NEK10: variants seen among roughly 807,000 people sequenced by gnomAD.
NEK10 encodes the protein NIMA related kinase 10, also known as serine/threonine-protein kinase Nek10.
In NEK10, 122 loss-of-function variants were observed where a neutral mutation model predicts 159.8. The observed-to-expected ratio is 0.76, with a 90% CI of 0.66 to 0.89. The LOEUF (loss-of-function observed/expected upper bound fraction) is 0.89, where lower values mean the gene tolerates loss of function less well. NEK10 is among the 40% of genes least tolerant of loss of function. The pLI, the probability that NEK10 is intolerant of heterozygous loss-of-function variation, is 0.00. For missense variants in NEK10, 1,342 were observed against 1,323.1 expected, an observed-to-expected ratio of 1.01 and a Z score of -0.22; for synonymous variants, 466 against 457.1, an observed-to-expected ratio of 1.02 and a Z score of -0.25.
intron 22 of NEK10, among the ~76,000 whole-genome samples, chr3:27,282,570 G>GTT (rs376659323): frequency 6.2e-5 from 7 of 113,472 alleles, no homozygotes; most frequent in Non-Finnish European, 8.2e-5. Context: ...ACATAACTGT[G>GTT]TTATATATAT....
At chr3:27,214,097 T>C (rs556764976) in intron 23 of NEK10, among the ~76,000 whole-genome samples, 37 of 152,370 alleles carry the variant, frequency 2.4e-4, no homozygotes, top group Middle Eastern at 6.8e-3. Flanking sequence ...AGGTCTTAGA[T>C]AATATCAGTT....
intron 22 of NEK10, among the ~76,000 whole-genome samples, chr3:27,266,819 T>C (rs1190233826): frequency 1.3e-5 from 2 of 152,206 alleles, no homozygotes; most frequent in African/African-American, 2.4e-5. Context: ...TCTGACATGC[T>C]TCCTCTCTTT....
chr3:27,366,891 A>G (rs2049133085), intron 1 of NEK10, among the ~76,000 whole-genome samples: 1 of 145,482 alleles, frequency 6.9e-6, no homozygotes, highest in African/African-American at 2.6e-5. Context: ...GGCTCACTGC[A>G]ACCTCCGCCT....
chr3:27,256,172 T>G, intron 23 of NEK10, 124 bp downstream of exon 23: 1 of 466,894 alleles, frequency 2.1e-6, no homozygotes. Context: ...CCTAGATAAT[T>G]GAAAAAACTT....
chr3:27,156,929 G>GATATATAT lies in NEK10; in HGVS notation c.2869+5764_2869+5771dup, dbSNP rs4016654. On this transcript the variant is annotated intron_variant, in intron 30 of 35. Coordinates refer to ENST00000691995, the MANE Select transcript of NEK10 (RefSeq NM_001394966.1). ...CAATCAAGGAGTGCATAAAGAAACT[G>GATATATAT]ATATATATATATATATATATATATA... Among the ~76,000 whole-genome samples, 89 of 28,336 alleles carry GATATATAT rather than the reference G, an allele frequency of 3.1e-3. 6 individuals carry two copies. Among genetic ancestry groups the GATATATAT allele is most frequent in the Non-Finnish European group, 5.2e-3 (73 of 14,136 alleles). 18.6% of individuals were successfully genotyped at this position (28,336 alleles called of 152,430 possible).
intron 25 of NEK10, among the ~76,000 whole-genome samples, chr3:27,199,165 G>A (rs1412211866): frequency 6.6e-6 from 1 of 151,614 alleles, no homozygotes; most frequent in Non-Finnish European, 1.5e-5. Context: ...TATCAACAGA[G>A]TAAACAGACA....
At position 27,273,986 on chromosome 3, in the gene NEK10, G is replaced by T. The variant is rs575165969; in HGVS notation, c.2014+10616C>A. On this transcript the variant is annotated intron_variant, in intron 22 of 35. Transcript: ENST00000691995. ...GATTCTAATCTCTGCCCCTCAAACT[G>T]CTTCCTGACCTTCAGCTAAATGAAG... 3.7e-4 allele frequency among the ~76,000 whole-genome samples: 57 copies of T among 152,230 alleles called. No individual in the cohort carries two copies. The South Asian group carries it at 0.012, about 32-fold the overall frequency.
intron 1 of NEK10, among the ~76,000 whole-genome samples, chr3:27,366,552 T>A (rs2049102904): frequency 6.6e-6 from 1 of 152,176 alleles, no homozygotes; most frequent in African/African-American, 2.4e-5. Flanking sequence ...CTGAAGACTT[T>A]ATTTGTTGCA....
At chr3:27,331,244 A>AAAAAAC (rs2046377551) in intron 5 of NEK10, among the ~76,000 whole-genome samples, 1 of 125,348 alleles carries the variant, frequency 8.0e-6, no homozygotes. Flanking sequence ...TCTCAAAAAA[A>AAAAAAC]AAAAAACAAA....
intron 32 of NEK10, among the ~76,000 whole-genome samples, chr3:27,126,583 C>T (rs560631616): frequency 3.0e-4 from 46 of 152,294 alleles, no homozygotes; most frequent in Non-Finnish European, 4.6e-4. Context: ...CAGCAGCCAT[C>T]ACCTGGAAGA....
chr3:27,280,053 C>A (rs1036840126), intron 22 of NEK10, among the ~76,000 whole-genome samples: 1 of 128,016 alleles, frequency 7.8e-6, no homozygotes. Context: ...GTGAATTGAC[C>A]ATATGTTTTT....
chr3:27,237,424 T>G lies in NEK10; in HGVS notation c.2090+18872A>C, dbSNP rs1161499618. 2.0e-5 allele frequency among the ~76,000 whole-genome samples: 3 copies of G among 152,302 alleles called. No homozygotes were observed. The East Asian group carries it at 5.8e-4, about 29-fold the overall frequency. ...AATCTTCACAATTTATGTTCAGAGA[T>G]TGCAGTAAAGACAGGTGTAAGAAAT... On this transcript the variant is annotated intron_variant, in intron 23 of 35. Transcript: ENST00000691995.
At chr3:27,237,020 C>A (rs1953998477) in intron 23 of NEK10, among the ~76,000 whole-genome samples, 1 of 152,102 alleles carries the variant, frequency 6.6e-6, no homozygotes, top group Non-Finnish European at 1.5e-5. Context: ...AGACCTCCCC[C>A]CAGGAATGCA....
chr3:27,215,032 G>A (rs1951370160), intron 23 of NEK10: 4 of 591,518 alleles, frequency 6.8e-6, no homozygotes, highest in Admixed American at 2.4e-5. Flanking sequence ...GTTCCCCACC[G>A]GCGCCTCCAG....
rs1955679516 is a variant in NEK10, at chr3:27,251,635, A to G, written c.2090+4661T>C. Among the ~76,000 whole-genome samples, 4 of 152,342 alleles carry G rather than the reference A, an allele frequency of 2.6e-5. No individual in the cohort carries two copies. In the South Asian group the frequency reaches 6.2e-4, roughly 24 times the overall value. ...TGTGCAGCCTGCAGAACCATGAACCAGTTAAACCTCTTTTCTTTATAAATT... is the reference window on the plus strand; with the variant it reads ...TGTGCAGCCTGCAGAACCATGAACCGGTTAAACCTCTTTTCTTTATAAATT... On this transcript the variant is annotated intron_variant, in intron 23 of 35. Transcript: ENST00000691995.
At chr3:27,229,874 T>C (rs1346048650) in intron 23 of NEK10, among the ~76,000 whole-genome samples, 1 of 152,046 alleles carries the variant, frequency 6.6e-6, no homozygotes, top group Non-Finnish European at 1.5e-5. Flanking sequence ...TATGAGATTA[T>C]ATAAAACAGT....
intron 1 of NEK10, among the ~76,000 whole-genome samples, chr3:27,361,944 A>C (rs2048714800): frequency 6.6e-6 from 1 of 152,194 alleles, no homozygotes; most frequent in Non-Finnish European, 1.5e-5. Context: ...GGAAATCATA[A>C]ATATGTAGGG....
At chr3:27,365,283 T>C (rs1196172749) in intron 1 of NEK10, among the ~76,000 whole-genome samples, 4 of 152,250 alleles carry the variant, frequency 2.6e-5, no homozygotes, top group Non-Finnish European at 5.9e-5. Context: ...GTTTTTACTT[T>C]AATTTTTACA....
chr3:27,265,926 C>T (rs1316447071), intron 22 of NEK10, among the ~76,000 whole-genome samples: 1 of 151,742 alleles, frequency 6.6e-6, no homozygotes. Context: ...CCTGCCTCAG[C>T]CTCCCGAGTA....
Sources: allele counts gnomAD v4.1 joint callset (sites outside exome capture counted in the v4.1 genomes callset), GRCh38; gene constraint gnomAD v4.1.1; transcripts MANE v1.5; gene names NCBI Gene and HGNC (gene_info 2026-07-23, HGNC 2026-07-21).